PTPRD: variants seen among roughly 807,000 people sequenced by gnomAD.
The protein encoded by PTPRD is receptor-type tyrosine-protein phosphatase delta.
In PTPRD, 34 loss-of-function variants were observed where a neutral mutation model predicts 214.5. That is an observed-to-expected ratio of 0.16 (90% confidence interval 0.12 to 0.21). The LOEUF is 0.21. Ranked by LOEUF, PTPRD falls within the 10% of genes least tolerant of loss-of-function variation. PTPRD has a pLI of 1.00. For missense variants in PTPRD, 2,545 were observed against 2,398.7 expected (o/e 1.06, Z -1.27); for synonymous variants, 1,128 against 845.7 (o/e 1.33, Z -5.79).
At chr9:9,618,499 G>A (rs1374565818) in intron 7 of PTPRD, among the ~76,000 whole-genome samples, 1 of 152,160 alleles carries the variant, frequency 6.6e-6, no homozygotes, top group African/African-American at 2.4e-5. Flanking sequence ...TGACACTGCA[G>A]AGGAGAGGAC....
At chr9:8,792,568 T>G (rs1372617781) in intron 11 of PTPRD, among the ~76,000 whole-genome samples, 1 of 152,194 alleles carries the variant, frequency 6.6e-6, no homozygotes, top group Admixed American at 6.5e-5. Context: ...CTGACTTAAA[T>G]TCATTTGATT....
intron 2 of PTPRD, among the ~76,000 whole-genome samples, chr9:10,467,005 C>G (rs2098999163): frequency 6.6e-6 from 1 of 152,148 alleles, no homozygotes; most frequent in South Asian, 2.1e-4. Context: ...TATTAGAGTT[C>G]CCCGGGAACC....
In PTPRD at chr9:10,293,204, C is replaced by T. The variant is rs372639710; in HGVS notation, c.-545+47759G>A. On this transcript the variant is annotated intron_variant, in intron 3 of 45. Coordinates refer to ENST00000381196, the MANE Select transcript of PTPRD (RefSeq NM_002839.4). ...ACTGCTTCCACATCAAAATTAAGTACACAACTAGAAAGTTCAAGAAAAAAT... is the reference window on the plus strand; with the variant it reads ...ACTGCTTCCACATCAAAATTAAGTATACAACTAGAAAGTTCAAGAAAAAAT... 8.4e-4 allele frequency among the ~76,000 whole-genome samples: 128 copies of T among 151,780 alleles called. 3 individuals are homozygous for T. In the South Asian group the frequency reaches 0.022, roughly 27 times the overall value.
At chr9:9,093,111 G>A (rs10977482) in intron 10 of PTPRD, among the ~76,000 whole-genome samples, 20,797 of 151,842 alleles carry the variant, frequency 0.14, 1,667 homozygotes, top group East Asian at 0.23. Context: ...GTGATAAATG[G>A]GCTAATCAAC....
intron 3 of PTPRD, among the ~76,000 whole-genome samples, chr9:10,129,516 T>C (rs796325333): frequency 1.7e-5 from 2 of 119,818 alleles, no homozygotes; most frequent in Admixed American, 8.5e-5. Context: ...TTTTTTTTTT[T>C]CTCACTTATC....
At chr9:10,242,126 G>C (rs2091196459) in intron 3 of PTPRD, among the ~76,000 whole-genome samples, 1 of 151,958 alleles carries the variant, frequency 6.6e-6, no homozygotes, top group Admixed American at 6.6e-5. Flanking sequence ...TAAAAGGTAT[G>C]TGATCAATTT....
chr9:10,372,973 T>C (rs1013733884), intron 2 of PTPRD, among the ~76,000 whole-genome samples: 60 of 151,276 alleles, frequency 4.0e-4, no homozygotes, highest in Admixed American at 2.7e-3. Flanking sequence ...GCTTGGGTTA[T>C]AGTCACCCAC....
chr9:10,074,929 T>C (rs1434799875), intron 3 of PTPRD, among the ~76,000 whole-genome samples: 2 of 152,172 alleles, frequency 1.3e-5, no homozygotes, highest in African/African-American at 4.8e-5. Flanking sequence ...CCAGAAGTTT[T>C]TGAGAAATAT....
At chr9:9,287,648 A>C (rs1351765637) in intron 9 of PTPRD, among the ~76,000 whole-genome samples, 1 of 151,960 alleles carries the variant, frequency 6.6e-6, no homozygotes, top group Non-Finnish European at 1.5e-5. Flanking sequence ...TGAAATGGTT[A>C]ACTAAAGGTC....
At chr9:8,350,192 A>G (rs1471478125) in intron 39 of PTPRD, among the ~76,000 whole-genome samples, 1 of 152,142 alleles carries the variant, frequency 6.6e-6, no homozygotes, top group African/African-American at 2.4e-5. Context: ...GCATACAGGG[A>G]CTGTTTTATG....
chr9:10,503,761 A>T (rs2044711832), intron 2 of PTPRD, among the ~76,000 whole-genome samples: 1 of 152,002 alleles, frequency 6.6e-6, no homozygotes, highest in South Asian at 2.1e-4. Flanking sequence ...CTAGGAAGGA[A>T]AATAAAGCCA....
At chr9:10,441,549 ATT>A (rs146759546) in intron 2 of PTPRD, among the ~76,000 whole-genome samples, 2,165 of 150,694 alleles carry the variant, frequency 0.014, 38 homozygotes, top group African/African-American at 0.044. Context: ...CCAATAAAGT[ATT>A]TTTTTTTCCT....
At chr9:9,292,599 T>C (rs73390831) in intron 9 of PTPRD, among the ~76,000 whole-genome samples, 2,626 of 151,634 alleles carry the variant, frequency 0.017, 71 homozygotes, top group African/African-American at 0.06. Flanking sequence ...TGAACCAATA[T>C]TGATAAATTA....
At chr9:8,913,560 A>C (rs534735610) in intron 11 of PTPRD, among the ~76,000 whole-genome samples, 1 of 152,260 alleles carries the variant, frequency 6.6e-6, no homozygotes, top group East Asian at 1.9e-4. Flanking sequence ...TTAAATAAAA[A>C]AGTATTATAA....
chr9:9,127,945 CT>C (rs2154472221), intron 10 of PTPRD, among the ~76,000 whole-genome samples: 1 of 152,330 alleles, frequency 6.6e-6, no homozygotes, highest in South Asian at 2.1e-4. Flanking sequence ...GTACCCCAAG[CT>C]CTCTGTCCTC....
chr9:10,078,495 G>A (rs1311354792), intron 3 of PTPRD, among the ~76,000 whole-genome samples: 7 of 134,734 alleles, frequency 5.2e-5, no homozygotes, highest in African/African-American at 1.7e-4. Context: ...CAGCCTGGGC[G>A]ACAGACCAAG....
In PTPRD at chr9:8,316,535, C is replaced by T. The variant is rs1021070351; in HGVS notation, c.*1339G>A. ...GATTGAATACACTTTTTTTAAACAA[C>T]TCGATAGCTGATATATTACAACATT... On this transcript the variant is annotated 3_prime_UTR_variant, in exon 46 of 46. Transcript: ENST00000381196. 1.3e-5 allele frequency: 3 copies of T among 230,294 alleles called. No individual in the cohort carries two copies. Among genetic ancestry groups the T allele is most frequent in the Non-Finnish European group, 2.6e-5 (3 of 116,126 alleles). The allele number at this position is 230,294 out of a possible 1,614,324, so 14.3% of individuals were successfully genotyped here.
At chr9:8,989,510 G>A (rs997242199) in intron 11 of PTPRD, among the ~76,000 whole-genome samples, 4 of 151,942 alleles carry the variant, frequency 2.6e-5, no homozygotes, top group Admixed American at 2.0e-4. Context: ...CTCCAGTTCC[G>A]TCAATGTTCC....
At chr9:10,133,400 G>A (rs1479485158) in intron 3 of PTPRD, among the ~76,000 whole-genome samples, 4 of 152,034 alleles carry the variant, frequency 2.6e-5, no homozygotes, top group African/African-American at 4.8e-5. Flanking sequence ...TGCAGGTGAC[G>A]GTGTTCCCAC....
Sources: gnomAD v4.1 joint callset for allele counts (sites outside exome capture counted in the v4.1 genomes callset) on GRCh38, gnomAD v4.1.1 for gene constraint, MANE v1.5 for transcripts, NCBI Gene and HGNC (gene_info 2026-07-23, HGNC 2026-07-21) for gene names.